Variants in ADGRA2 observed in about 807,000 individuals in gnomAD.
ADGRA2 encodes the protein G-protein coupled receptor 124.
A neutral mutation model predicts 98.7 loss-of-function variants in ADGRA2; 61 were observed. That is an observed-to-expected ratio of 0.62 (90% CI 0.50 to 0.76). ADGRA2 has a LOEUF of 0.76. Ranked by LOEUF, ADGRA2 falls within the 30% of genes least tolerant of loss-of-function variation. ADGRA2 has a pLI of 0.00. For missense variants in ADGRA2, 1,712 were observed against 1,860.0 expected (o/e 0.92, Z 1.46); for synonymous variants, 858 against 831.5 (o/e 1.03, Z -0.55).
intron 2 of ADGRA2, among the ~76,000 whole-genome samples, chr8:37,825,395 C>A (rs997055177): frequency 6.6e-6 from 1 of 152,056 alleles, no homozygotes; most frequent in African/African-American, 2.4e-5. Context: ...AGGCGCCCAC[C>A]CCCACATTGG....
At chr8:37,840,087 C>T (rs2130058630) in intron 16 of ADGRA2, 34 bp from the exon 17 acceptor site, 1 of 1,543,686 alleles carries the variant, frequency 6.5e-7, no homozygotes, top group African/African-American at 1.4e-5. Context: ...GTCGTAGTCC[C>T]CAGGTCCCCA....
intron 2 of ADGRA2, among the ~76,000 whole-genome samples, chr8:37,820,078 C>T (rs565014729): frequency 1.3e-5 from 2 of 152,328 alleles, no homozygotes; most frequent in Admixed American, 1.3e-4. Flanking sequence ...GCAGACGCTG[C>T]AGTCTTGGGG....
At chr8:37,826,252 C>A (rs972846506) in intron 2 of ADGRA2, among the ~76,000 whole-genome samples, 1 of 152,156 alleles carries the variant, frequency 6.6e-6, no homozygotes, top group Non-Finnish European at 1.5e-5. Flanking sequence ...CTGAGAATGG[C>A]CAGACCCCAA....
chr8:37,838,074 G>C, intron 14 of ADGRA2, 135 bp downstream of exon 14: 1 of 742,826 alleles, frequency 1.3e-6, no homozygotes, highest in South Asian at 2.1e-5. Flanking sequence ...GGCCCCATGA[G>C]TGGTGGGATG....
At chr8:37,816,651 C>A (rs1360960880) in intron 2 of ADGRA2, among the ~76,000 whole-genome samples, 1 of 144,062 alleles carries the variant, frequency 6.9e-6, no homozygotes, top group Non-Finnish European at 1.5e-5. Context: ...GGTGCAGTGG[C>A]TCGTGCCCAT....
rs1047479847 is a variant in ADGRA2 at position 37,814,772 on chromosome 8, G to A, written c.267-124G>A. 39 of 711,854 alleles carry A rather than the reference G, an allele frequency of 5.5e-5. No homozygotes were observed. The highest frequency in any genetic ancestry group is 2.9e-4 in the African/African-American group (17 of 57,662). The allele number at this position is 711,854 out of a possible 1,614,324, so 44.1% of individuals were successfully genotyped here. A position where few individuals can be genotyped will look rare whatever the true frequency, so the allele number is the denominator to read the frequency against. The stretch of plus-strand genomic sequence containing the variant: ...TCTCCGGAAGTAGAGGGTGGGGGCT[G>A]CTGCCTCGCACAACTCCAGGGGGCG... On this transcript the variant is annotated intron_variant, in intron 1 of 18. Transcript: ENST00000412232. The surrounding 1 kb of genome is among the most constrained non-coding windows in gnomAD (Gnocchi z 4.3).
intron 1 of ADGRA2, among the ~76,000 whole-genome samples, chr8:37,806,168 G>T (rs1804653204): frequency 6.6e-6 from 1 of 152,188 alleles, no homozygotes. Context: ...ATTCCATCCT[G>T]TTGGACACAT....
chr8:37,832,945 G>T, intron 8 of ADGRA2, 65 bp from the exon 9 acceptor site: 2 of 1,296,072 alleles, frequency 1.5e-6, no homozygotes, highest in Middle Eastern at 2.7e-4. Flanking sequence ...CCGTTCTAAA[G>T]TCGGGAGAAG....
intron 1 of ADGRA2, among the ~76,000 whole-genome samples, chr8:37,799,402 T>TGA (rs1007415833): frequency 6.7e-6 from 1 of 150,042 alleles, no homozygotes; most frequent in African/African-American, 2.4e-5. Context: ...AATTCAGAGC[T>TGA]GAGAGCTGTG....
In ADGRA2 at chr8:37,833,202, C is replaced by T. The variant is rs761529223; in HGVS notation, c.1290C>T (p.Phe430=). 4.3e-6 allele frequency: 7 copies of T among 1,609,904 alleles called. No homozygotes were observed. The highest frequency in any genetic ancestry group is 2.2e-5 in the South Asian group (2 of 90,912). Residue 430 remains phenylalanine (F), a synonymous_variant, in exon 9 of 19, where the codon TTC becomes TTT. Coordinates refer to ENST00000412232, the MANE Select transcript of ADGRA2 (RefSeq NM_032777.10). ...ACATCACCAGGGTGCTGTACACCTT[C>T]GTGCTGGTGAGGAGAGGCTAGGGCA... ...TNDITRVLYT[F]VLMPINASNA...
At chr8:37,836,691 C>T (rs959698871) in intron 13 of ADGRA2, among the ~76,000 whole-genome samples, 1 of 152,236 alleles carries the variant, frequency 6.6e-6, no homozygotes, top group Non-Finnish European at 1.5e-5. Flanking sequence ...ACCAGATTCA[C>T]CTTCTGCAAA....
intron 2 of ADGRA2, among the ~76,000 whole-genome samples, chr8:37,827,979 AT>A (rs58598759): frequency 0.037 from 5,497 of 150,382 alleles, 327 homozygotes; most frequent in African/African-American, 0.12. Flanking sequence ...ACCAAAAAAA[AT>A]TTTTTTTTTT....
In ADGRA2 at chr8:37,843,882, T is replaced by G. The variant is rs2130081975; in HGVS notation, c.*1527T>G. ...GAATGAAAGTGCCAAAGAAAACATG[T>G]TTTTAAGAACTCGGGTTTTATACAA... On this transcript the variant is annotated 3_prime_UTR_variant, in exon 19 of 19. Transcript: ENST00000412232. The G allele has an allele frequency of 6.5e-6, 1 of 152,862 alleles. No individual in the cohort carries two copies. Among genetic ancestry groups the G allele is most frequent in the South Asian group, 2.1e-4 (1 of 4,830 alleles). The allele number at this position is 152,862 out of a possible 1,614,324, so 9.5% of individuals were successfully genotyped here.
intron 2 of ADGRA2, among the ~76,000 whole-genome samples, chr8:37,817,984 T>C (rs1468867051): frequency 6.6e-6 from 1 of 152,046 alleles, no homozygotes; most frequent in Non-Finnish European, 1.5e-5. Flanking sequence ...ATTGTACTCA[T>C]TGTACTCCAG....
rs556790075 is a variant in ADGRA2 at position 37,814,996 on chromosome 8, AG to A, written c.338+35del. The A allele has an allele frequency of 9.1e-4, 1,346 of 1,485,594 alleles. 3 individuals are homozygous for A. The highest frequency in any genetic ancestry group is 1.1e-3 in the Non-Finnish European group (1,197 of 1,066,692). 92.0% of individuals were successfully genotyped at this position (1,485,594 alleles called of 1,614,324 possible). A position where few individuals can be genotyped will look rare whatever the true frequency, so the allele number is the denominator to read the frequency against. Reference sequence around the variant, plus strand: ...AGTGCTGGGGAAGGTGAGGTGGAGGAGGGGGGTGGCCGTGATGGCAAGAGGT... The same window carrying A: ...AGTGCTGGGGAAGGTGAGGTGGAGGAGGGGGTGGCCGTGATGGCAAGAGGT... On this transcript the variant is annotated intron_variant, in intron 2 of 18. Transcript: ENST00000412232. This position sits in a 1 kb window ranked among gnomAD's most constrained non-coding sequence, Gnocchi z 4.3.
rs771767624 is a variant in ADGRA2 at position 37,829,162 on chromosome 8, C to T, written c.411-99C>T. 3.1e-5 allele frequency: 30 copies of T among 952,830 alleles called. No individual in the cohort carries two copies. The East Asian group carries it at 4.1e-4, about 13-fold the overall frequency. 59.0% of individuals were successfully genotyped at this position (952,830 alleles called of 1,614,324 possible). On this transcript the variant is annotated intron_variant, in intron 3 of 18. Coordinates refer to ENST00000412232, the MANE Select transcript of ADGRA2 (RefSeq NM_032777.10). ...CAACCTCATCTCCTTTTTCATCCCA[C>T]CCCCCAACACAAGCCCTGGCCCCAC...
At position 37,830,726 on chromosome 8, in the gene ADGRA2, G is replaced by A. The variant is rs1395850110; in HGVS notation, c.735G>A (p.Leu245=). 1 of 1,603,686 alleles carries A rather than the reference G, an allele frequency of 6.2e-7. No homozygotes were observed. Among genetic ancestry groups the A allele is most frequent in the Admixed American group, 1.7e-5 (1 of 59,024 alleles). ...CTCCCACAGAGGGGGCCCTGGAGCT[G>A]CACACACACCACCTCATCCCGTCCC... ...AQLCCEGALE[L]HTHHLIPSLR... The change falls in exon 7 of 19, where the codon CTG becomes CTA. Residue 245 remains leucine, a synonymous_variant. Transcript: ENST00000412232. This position sits in a 1 kb window ranked among gnomAD's most constrained non-coding sequence, Gnocchi z 4.8.
intron 2 of ADGRA2, among the ~76,000 whole-genome samples, chr8:37,816,412 G>C (rs1040834925): frequency 6.6e-6 from 1 of 152,216 alleles, no homozygotes; most frequent in South Asian, 2.1e-4. Context: ...GGCCAACATG[G>C]TAAAACCCCA....
At position 37,814,666 on chromosome 8, in the gene ADGRA2, CAG is replaced by C. The variant is rs1210659917; in HGVS notation, c.267-227_267-226del. ...CCCACCTGCACACAGAGCCCCACGT[CAG>C]AGCCAGGCTTGGAGGAGACTCAGGG... On this transcript the variant is annotated intron_variant, in intron 1 of 18. Coordinates refer to ENST00000412232, the MANE Select transcript of ADGRA2 (RefSeq NM_032777.10). The surrounding 1 kb of genome is among the most constrained non-coding windows in gnomAD (Gnocchi z 4.3). Among the ~76,000 whole-genome samples the C allele has an allele frequency of 3.3e-5, 5 of 152,240 alleles. No homozygotes were observed. Among genetic ancestry groups the C allele is most frequent in the African/African-American group, 1.2e-4 (5 of 41,456 alleles).
Sources: gnomAD v4.1 joint callset for allele counts (sites outside exome capture counted in the v4.1 genomes callset) on GRCh38, gnomAD v4.1.1 for gene constraint, Gnocchi (gnomAD v3.1) non-coding constraint, MANE v1.5 for transcripts, NCBI Gene and HGNC (gene_info 2026-07-23, HGNC 2026-07-21) for gene names.